Variants in USP43 observed in about 807,000 individuals in gnomAD.
USP43 encodes the protein ubiquitin specific peptidase 43.
Under a neutral mutation model 90.7 loss-of-function variants are expected in USP43, and 33 were observed. That is an observed-to-expected ratio of 0.36 (90% CI 0.28 to 0.49). The LOEUF is 0.49. USP43 is among the 20% of genes least tolerant of loss of function. The pLI is 0.98. For missense variants in USP43, 1,274 were observed against 1,476.4 expected (o/e 0.86, Z 2.25); for synonymous variants, 598 against 615.8 (o/e 0.97, Z 0.43).
In USP43 at chr17:9,709,746, A is replaced by T. The variant is rs550767304; in HGVS notation, c.2012-210A>T. Among the ~76,000 whole-genome samples, 42 of 152,152 alleles carry T rather than the reference A, an allele frequency of 2.8e-4. No individual in the cohort carries two copies. Among genetic ancestry groups the T allele is most frequent in the African/African-American group, 9.9e-4 (41 of 41,536 alleles). On this transcript the variant is annotated intron_variant, in intron 12 of 14. Transcript: ENST00000285199. The surrounding 1 kb of genome is among the most constrained non-coding windows in gnomAD (Gnocchi z 5.0). ...TAAATAAAAATAAATAAATAAATAA[A>T]AATAATAACAGCACTTGTTATAGTA... is the stretch of plus-strand genomic sequence containing the variant.
chr17:9,679,493 C>T (rs1274867012), intron 5 of USP43, among the ~76,000 whole-genome samples: 11 of 147,950 alleles, frequency 7.4e-5, no homozygotes, highest in East Asian at 2.0e-4. Flanking sequence ...GCATGAGCCA[C>T]GGTGCCCAGC....
intron 14 of USP43, 90 bp from the exon 15 acceptor site, chr17:9,727,864 C>A: frequency 1.4e-6 from 2 of 1,423,496 alleles, no homozygotes; most frequent in Non-Finnish European, 1.9e-6. Flanking sequence ...CACAGTGCCT[C>A]CCACATCAGA....
chr17:9,652,182 C>T (rs73255728), intron 1 of USP43, among the ~76,000 whole-genome samples: 3,159 of 136,006 alleles, frequency 0.023, 112 homozygotes, highest in African/African-American at 0.083. Context: ...GCCAGGAGTT[C>T]AGCCTGGTCA....
At chr17:9,702,716 T>C (rs952224210) in intron 12 of USP43, among the ~76,000 whole-genome samples, 6 of 152,166 alleles carry the variant, frequency 3.9e-5, no homozygotes, top group African/African-American at 1.4e-4. Context: ...AGAAGCCTAT[T>C]GGTAGCTGCG....
At chr17:9,663,611 GTTTGTTTGTT>G (rs1015177218) in intron 2 of USP43, among the ~76,000 whole-genome samples, 2 of 150,438 alleles carry the variant, frequency 1.3e-5, no homozygotes, top group Non-Finnish European at 3.0e-5. Context: ...CATTCTTTTT[GTTTGTTTGTT>G]TTTGTTTGTT....
intron 1 of USP43, among the ~76,000 whole-genome samples, chr17:9,652,011 A>G (rs1400755091): frequency 1.3e-5 from 2 of 152,168 alleles, no homozygotes; most frequent in East Asian, 3.8e-4. Context: ...TAATTTTAAT[A>G]AGAAATGTTA....
At position 9,680,361 on chromosome 17, in the gene USP43, T is replaced by C. The variant is rs755872739; in HGVS notation, c.1100T>C (p.Leu367Pro). The C allele has an allele frequency of 6.2e-7, 1 of 1,613,932 alleles. No homozygotes were observed. The highest frequency in any genetic ancestry group is 8.5e-7 in the Non-Finnish European group (1 of 1,179,844). ...QVPPSPSQGT[L>P]SAHPLGLSAS... ...CCTCCCTCACCCAGCCAGGGGACTC[T>C]CTCAGGTATAACAGGTGCTTTGCAC... Residue 367 changes from leucine to proline, a missense_variant, in exon 6 of 15, where the codon CTC (leucine) becomes CCC (proline). Leu to Pro is a moderately conservative substitution (Grantham distance 98). Transcript: ENST00000285199.
chr17:9,688,051 T>G (rs530358410), intron 8 of USP43, among the ~76,000 whole-genome samples: 1 of 152,320 alleles, frequency 6.6e-6, no homozygotes, highest in Admixed American at 6.5e-5. Flanking sequence ...AGTGGCGTGA[T>G]CTCGGCTCAC....
intron 14 of USP43, among the ~76,000 whole-genome samples, chr17:9,722,900 T>TC (rs1917040998): frequency 6.6e-6 from 1 of 152,194 alleles, no homozygotes; most frequent in Non-Finnish European, 1.5e-5. Context: ...TTCTGAGCCG[T>TC]CTGTCCTGCA....
chr17:9,720,059 C>A (rs574915339), intron 14 of USP43, among the ~76,000 whole-genome samples: 1 of 148,380 alleles, frequency 6.7e-6, no homozygotes, highest in African/African-American at 2.5e-5. Context: ...AGAGTGAGAC[C>A]CTGTCTCAAA....
At chr17:9,667,665 A>G (rs1192326928) in intron 3 of USP43, among the ~76,000 whole-genome samples, 2 of 152,202 alleles carry the variant, frequency 1.3e-5, no homozygotes, top group Non-Finnish European at 2.9e-5. Context: ...AAGATAGTCA[A>G]CAGGAACAAA....
At chr17:9,647,875 G>A (rs1452948045) in intron 1 of USP43, among the ~76,000 whole-genome samples, 4 of 137,368 alleles carry the variant, frequency 2.9e-5, no homozygotes, top group Admixed American at 2.8e-4. Context: ...AAAAAAATTA[G>A]CCGGACGTGG....
chr17:9,715,669 G>T (rs111210313), intron 14 of USP43, among the ~76,000 whole-genome samples: 1 of 149,166 alleles, frequency 6.7e-6, no homozygotes, highest in South Asian at 2.1e-4. Flanking sequence ...GTATGTGCCT[G>T]TGTGTGTGTC....
chr17:9,681,901 C>G (rs145051283), intron 6 of USP43, among the ~76,000 whole-genome samples: 2 of 152,146 alleles, frequency 1.3e-5, no homozygotes, highest in African/African-American at 4.8e-5. Flanking sequence ...GCTATGGGAA[C>G]TGGATGTTTG....
chr17:9,715,596 TTG>T (rs1294901656), intron 14 of USP43, among the ~76,000 whole-genome samples: 183 of 124,706 alleles, frequency 1.5e-3, no homozygotes, highest in African/African-American at 4.6e-3. Flanking sequence ...GTTTGTGTCT[TTG>T]TGTGTGTGTC....
At chr17:9,656,833 T>A (rs2151963924) in intron 2 of USP43, among the ~76,000 whole-genome samples, 1 of 152,334 alleles carries the variant, frequency 6.6e-6, no homozygotes, top group African/African-American at 2.4e-5. Flanking sequence ...TACATTAGTG[T>A]GGTCATCCAA....
At chr17:9,665,559 T>C (rs1270366756) in intron 2 of USP43, among the ~76,000 whole-genome samples, 1 of 152,080 alleles carries the variant, frequency 6.6e-6, no homozygotes, top group Non-Finnish European at 1.5e-5. Context: ...TCCAATCACC[T>C]CCCACCAGGT....
intron 2 of USP43, among the ~76,000 whole-genome samples, chr17:9,664,382 G>A (rs1912860758): frequency 6.6e-6 from 1 of 152,020 alleles, no homozygotes; most frequent in Non-Finnish European, 1.5e-5. Flanking sequence ...TGTTCCTTTT[G>A]CCTGGTTCTG....
chr17:9,670,039 C>CTTTTTTTTT (rs148536442), intron 3 of USP43, among the ~76,000 whole-genome samples: 27 of 131,534 alleles, frequency 2.1e-4, no homozygotes, highest in African/African-American at 6.6e-4. Flanking sequence ...GAGGTGACTG[C>CTTTTTTTTT]TTTTTTTTTT....
Sources: allele counts gnomAD v4.1 joint callset (sites outside exome capture counted in the v4.1 genomes callset), GRCh38; gene constraint gnomAD v4.1.1; non-coding constraint Gnocchi (gnomAD v3.1); transcripts MANE v1.5; gene names NCBI Gene and HGNC (gene_info 2026-07-23, HGNC 2026-07-21).